Variants in TMEM183A observed in about 807,000 individuals in gnomAD.
The protein encoded by TMEM183A is chromosome 1 open reading frame 37.
TMEM183A carries 21 observed loss-of-function variants against 46.7 expected under a neutral mutation model. The observed-to-expected ratio is 0.45, with a 90% confidence interval of 0.32 to 0.65. The LOEUF is 0.65. Among genes scored for constraint, TMEM183A ranks in the 30% least tolerant of loss-of-function variants. The probability of loss-of-function intolerance (pLI) is 0.04; values close to 1 mark genes in which losing one functional copy is unlikely to be tolerated. For synonymous variants in TMEM183A, 165 were observed against 180.2 expected, an observed-to-expected ratio of 0.92 and a Z score of 0.68; for missense variants, 331 against 481.9, an observed-to-expected ratio of 0.69 and a Z score of 2.93.
At chr1:203,022,353 C>T (rs1330026208) in intron 7 of TMEM183A, among the ~76,000 whole-genome samples, 1 of 151,978 alleles carries the variant, frequency 6.6e-6, no homozygotes, top group East Asian at 1.9e-4. Context: ...CTTTCTTTAG[C>T]ATAGTTTAAA....
Position 203,007,481 on chromosome 1 carries a change from G to A in TMEM183A, c.16G>A (p.Gly6Ser), listed in dbSNP as rs753120769. 6.8e-6 allele frequency: 10 copies of A among 1,470,140 alleles called. No individual in the cohort carries two copies. Among genetic ancestry groups the A allele is most frequent in the Non-Finnish European group, 8.1e-6 (9 of 1,107,738 alleles). The allele number at this position is 1,470,140 out of a possible 1,614,324, so 91.1% of individuals were successfully genotyped here. The change falls in exon 1 of 8, where the codon GGC becomes AGC. Residue 6 changes from glycine to serine, a missense_variant. Gly to Ser is a moderately conservative substitution (Grantham distance 56). Transcript: ENST00000367242. ...GGCCGGAGACATGGCCCGGGGGCCC[G>A]GCCCGCTAGGCAGGCCTCGCCCCGA... MARGP[G>S]PLGRPRPDTV...
chr1:203,014,661 A>G (rs986199325), intron 3 of TMEM183A, among the ~76,000 whole-genome samples: 7 of 152,212 alleles, frequency 4.6e-5, no homozygotes, highest in African/African-American at 1.7e-4. Context: ...GGTATCGCCA[A>G]TAGTTGTTAA....
chr1:203,015,340 T>A, intron 4 of TMEM183A: 1 of 422,928 alleles, frequency 2.4e-6, no homozygotes, highest in Non-Finnish European at 4.2e-6. Flanking sequence ...TTCAGAGGCT[T>A]ATTTTAGCTA....
At chr1:203,009,242 A>G (rs1656311823) in intron 3 of TMEM183A, among the ~76,000 whole-genome samples, 1 of 152,238 alleles carries the variant, frequency 6.6e-6, no homozygotes, top group African/African-American at 2.4e-5. Flanking sequence ...ACACAAACAT[A>G]GACATTATCG....
intron 6 of TMEM183A, among the ~76,000 whole-genome samples, chr1:203,019,759 A>G (rs962421133): frequency 6.6e-6 from 1 of 152,222 alleles, no homozygotes; most frequent in African/African-American, 2.4e-5. Context: ...AAAATTTTTT[A>G]AAACCTGGAA....
At chr1:203,019,904 T>C (rs1015579838) in intron 6 of TMEM183A, among the ~76,000 whole-genome samples, 5 of 151,728 alleles carry the variant, frequency 3.3e-5, no homozygotes, top group Admixed American at 1.3e-4. Context: ...TGTGGAATTA[T>C]GAGCAGATAT....
rs780118642 is a variant in TMEM183A at position 203,020,920 on chromosome 1, C to T, written c.917C>T (p.Pro306Leu). Residue 306 changes from proline to leucine, a missense_variant, in exon 7 of 8, where the codon CCG (proline) becomes CTG (leucine). Physicochemically the swap from Pro to Leu is moderately conservative, Grantham distance 98. This residue lies in a region of TMEM183A where 233 missense variants were observed against 385.8 expected (regional missense o/e 0.60). Transcript: ENST00000367242. ...ACCACCCTCAATTTCATCTTTATTC[C>T]GATTGTCATGGGAATGATATTTACT... ...QVTTLNFIFI[P>L]IVMGMIFTLF... The T allele has an allele frequency of 1.9e-6, 3 of 1,609,304 alleles. No homozygotes were observed. The highest frequency in any genetic ancestry group is 2.5e-6 in the Non-Finnish European group (3 of 1,177,796).
At chr1:203,018,369 T>C in intron 5 of TMEM183A, 112 bp from the exon 6 acceptor site, 1 of 1,241,498 alleles carries the variant, frequency 8.1e-7, no homozygotes, top group Admixed American at 2.6e-5. Context: ...GGACCGTGGC[T>C]GGCTTTAGAG....
chr1:203,010,101 C>A (rs1656409512), intron 3 of TMEM183A, among the ~76,000 whole-genome samples: 1 of 150,344 alleles, frequency 6.7e-6, no homozygotes, highest in South Asian at 2.1e-4. Flanking sequence ...ATTGCACCAC[C>A]ACATCTCCAG....
At chr1:203,019,699 A>G (rs1015632245) in intron 6 of TMEM183A, among the ~76,000 whole-genome samples, 5 of 152,204 alleles carry the variant, frequency 3.3e-5, no homozygotes, top group African/African-American at 7.2e-5. Context: ...ACGTAAGCCT[A>G]AGAGACAGAG....
chr1:203,021,735 G>A (rs1408605140), intron 7 of TMEM183A, among the ~76,000 whole-genome samples: 1 of 152,164 alleles, frequency 6.6e-6, no homozygotes, highest in Non-Finnish European at 1.5e-5. Context: ...AGTAAACAAC[G>A]TATGTGCCTC....
chr1:203,014,220 T>C (rs2102549762), intron 3 of TMEM183A, among the ~76,000 whole-genome samples: 1 of 152,334 alleles, frequency 6.6e-6, no homozygotes, highest in Non-Finnish European at 1.5e-5. Flanking sequence ...GTTTTCTTAT[T>C]AGTAAAATGG....
At position 203,023,927 on chromosome 1, in the gene TMEM183A, G is replaced by T. The variant is rs1401920476; in HGVS notation, c.*887G>T. On this transcript the variant is annotated 3_prime_UTR_variant, in exon 8 of 8. Transcript: ENST00000367242. ...TACATAGATAAAAAAAAGTAAAAGG[G>T]TAAGTAAAAAATTGATTGTGGTATA... The T allele has an allele frequency of 6.6e-6, 1 of 152,084 alleles. No homozygotes were observed. The highest frequency in any genetic ancestry group is 1.5e-5 in the Non-Finnish European group (1 of 68,018). 9.4% of individuals were successfully genotyped at this position (152,084 alleles called of 1,614,324 possible).
At chr1:203,012,051 A>G (rs1656653620) in intron 3 of TMEM183A, among the ~76,000 whole-genome samples, 1 of 151,664 alleles carries the variant, frequency 6.6e-6, no homozygotes, top group South Asian at 2.1e-4. Context: ...ATGGCTATTA[A>G]AAAGTTTTTT....
At chr1:203,012,235 T>TCACACACACACACA (rs56743654) in intron 3 of TMEM183A, among the ~76,000 whole-genome samples, 3,327 of 80,756 alleles carry the variant, frequency 0.041, 303 homozygotes, top group Non-Finnish European at 0.049. Context: ...CCCCACTCCA[T>TCACACACACACACA]CACACACACA....
rs75329371 is a variant in TMEM183A, at chr1:203,016,199, T to G, written c.708+59T>G. 7.3e-3 allele frequency: 11,728 copies of G among 1,609,236 alleles called. 53 individuals carry two copies. Among genetic ancestry groups the G allele is most frequent in the Non-Finnish European group, 8.6e-3 (10,091 of 1,178,958 alleles). ...GAACTCTTGTATGGTAGGCCTGTTA[T>G]CATGGCTTGTCTCCAGCTTCCTTGA... On this transcript the variant is annotated intron_variant, in intron 5 of 7. Coordinates refer to ENST00000367242, the MANE Select transcript of TMEM183A (RefSeq NM_138391.6).
chr1:203,014,574 G>C (rs1304085916), intron 3 of TMEM183A, among the ~76,000 whole-genome samples: 1 of 152,064 alleles, frequency 6.6e-6, no homozygotes, highest in African/African-American at 2.4e-5. Context: ...CTGCATTCTA[G>C]CCTGGGCACC....
intron 3 of TMEM183A, among the ~76,000 whole-genome samples, chr1:203,011,394 TATC>T (rs1465047504): frequency 6.6e-6 from 1 of 152,148 alleles, no homozygotes; most frequent in African/African-American, 2.4e-5. Flanking sequence ...TAAATTGGGT[TATC>T]TTCTTCTTAT....
intron 3 of TMEM183A, among the ~76,000 whole-genome samples, chr1:203,011,557 C>T (rs1656584587): frequency 6.6e-6 from 1 of 152,078 alleles, no homozygotes. Context: ...CAGGCATGCA[C>T]CACCACGCAC....
Sources: allele counts gnomAD v4.1 joint callset (sites outside exome capture counted in the v4.1 genomes callset), GRCh38; gene constraint gnomAD v4.1.1; regional missense constraint gnomAD v4.1.1; transcripts MANE v1.5; gene names NCBI Gene and HGNC (gene_info 2026-07-23, HGNC 2026-07-21).